Variants in TBC1D5 observed in about 807,000 individuals in gnomAD.
The protein encoded by TBC1D5 is TBC1 domain family, member 5.
TBC1D5 carries 75 observed loss-of-function variants against 100.3 expected under a neutral mutation model. The observed-to-expected ratio is 0.75, with a 90% CI of 0.62 to 0.91. The LOEUF (loss-of-function observed/expected upper bound fraction) is 0.91. TBC1D5 is among the 40% of genes least tolerant of loss of function. TBC1D5 has a pLI of 0.00. For synonymous variants in TBC1D5, 323 were observed against 325.6 expected (o/e 0.99, Z 0.09); for missense variants, 910 against 942.4 (o/e 0.97, Z 0.45).
At chr3:17,261,588 C>A (rs1490527720) in intron 15 of TBC1D5, among the ~76,000 whole-genome samples, 1 of 152,082 alleles carries the variant, frequency 6.6e-6, no homozygotes, top group African/African-American at 2.4e-5. Flanking sequence ...ATCCTCCCAC[C>A]TCTGCCTCAT....
At chr3:17,247,327 A>G (rs1328424120) in intron 16 of TBC1D5, among the ~76,000 whole-genome samples, 3 of 152,246 alleles carry the variant, frequency 2.0e-5, no homozygotes, top group Non-Finnish European at 4.4e-5. Flanking sequence ...CAAGTATCAC[A>G]ATAGTGAATT....
intron 13 of TBC1D5, among the ~76,000 whole-genome samples, chr3:17,326,067 C>T (rs1215902050): frequency 6.6e-6 from 1 of 151,998 alleles, no homozygotes; most frequent in Non-Finnish European, 1.5e-5. Context: ...GCACTAAGAA[C>T]GTAGTATGTA....
chr3:17,251,050 T>G (rs1455393053), intron 16 of TBC1D5, among the ~76,000 whole-genome samples: 1 of 152,176 alleles, frequency 6.6e-6, no homozygotes, highest in African/African-American at 2.4e-5. Flanking sequence ...CAAGCACTGG[T>G]AAAAGTGCCT....
intron 8 of TBC1D5, among the ~76,000 whole-genome samples, chr3:17,386,230 T>C (rs2152272629): frequency 6.6e-6 from 1 of 152,200 alleles, no homozygotes; most frequent in East Asian, 1.9e-4. Context: ...CTGGATCACC[T>C]GACTTAATAA....
At chr3:17,216,282 G>A (rs915100477) in intron 17 of TBC1D5, among the ~76,000 whole-genome samples, 5 of 152,106 alleles carry the variant, frequency 3.3e-5, no homozygotes, top group African/African-American at 1.2e-4. Context: ...TTCCCAGCTC[G>A]TGATTGGGAA....
intron 1 of TBC1D5, among the ~76,000 whole-genome samples, chr3:17,694,481 A>G (rs1349058602): frequency 6.6e-6 from 1 of 152,222 alleles, no homozygotes; most frequent in African/African-American, 2.4e-5. Flanking sequence ...TTGATCAACT[A>G]GAAGAAAGGG....
intron 16 of TBC1D5, among the ~76,000 whole-genome samples, chr3:17,252,844 C>G (rs1376790596): frequency 6.6e-6 from 1 of 152,150 alleles, no homozygotes; most frequent in East Asian, 1.9e-4. Flanking sequence ...TCTCTCAATA[C>G]CTGGCACAGA....
intron 13 of TBC1D5, among the ~76,000 whole-genome samples, chr3:17,315,130 C>A (rs2084521777): frequency 6.6e-6 from 1 of 152,214 alleles, no homozygotes; most frequent in Non-Finnish European, 1.5e-5. Flanking sequence ...ATCTTCTCAG[C>A]CTACTCTTGA....
At chr3:17,457,660 A>T (rs981356901) in intron 3 of TBC1D5, among the ~76,000 whole-genome samples, 1 of 151,308 alleles carries the variant, frequency 6.6e-6, no homozygotes, top group Non-Finnish European at 1.5e-5. Context: ...TCATATCTGC[A>T]TTTGTGTTTT....
At chr3:17,200,739 T>C (rs777631804) in intron 18 of TBC1D5, among the ~76,000 whole-genome samples, 6 of 152,262 alleles carry the variant, frequency 3.9e-5, no homozygotes, top group Non-Finnish European at 8.8e-5. Context: ...TTAAATCCTT[T>C]GGCTACACTG....
chr3:17,530,783 AC>A (rs1349308931), intron 2 of TBC1D5, among the ~76,000 whole-genome samples: 6 of 152,142 alleles, frequency 3.9e-5, no homozygotes, highest in South Asian at 2.1e-4. Context: ...AAATTCAACA[AC>A]CCTTCATGCT....
intron 3 of TBC1D5, among the ~76,000 whole-genome samples, chr3:17,453,308 G>T (rs1251985777): frequency 1.3e-5 from 2 of 150,690 alleles, no homozygotes; most frequent in African/African-American, 4.9e-5. Context: ...AAGAAATAAT[G>T]AAGATCAGAT....
chr3:17,578,481 C>T (rs2096671582), intron 2 of TBC1D5, among the ~76,000 whole-genome samples: 1 of 152,032 alleles, frequency 6.6e-6, no homozygotes, highest in Non-Finnish European at 1.5e-5. Context: ...TTTTAGAACC[C>T]TACTGGTACA....
chr3:17,544,598 C>A (rs769893112), intron 2 of TBC1D5, among the ~76,000 whole-genome samples: 1 of 150,364 alleles, frequency 6.7e-6, no homozygotes, highest in Non-Finnish European at 1.5e-5. Flanking sequence ...TTGCAGTGAG[C>A]CGAGATCGCG....
At chr3:17,561,181 G>A (rs1368979267) in intron 2 of TBC1D5, among the ~76,000 whole-genome samples, 4 of 152,002 alleles carry the variant, frequency 2.6e-5, no homozygotes, top group Non-Finnish European at 4.4e-5. Context: ...AATAATTCAC[G>A]AAGACATATA....
At chr3:17,214,480 C>T (rs542213662) in intron 17 of TBC1D5, 110 bp from the exon 19 acceptor site, 1 of 1,096,808 alleles carries the variant, frequency 9.1e-7, no homozygotes, top group Non-Finnish European at 1.3e-6. Flanking sequence ...TAGGTTGATA[C>T]TATCAACATA....
Position 17,641,168 on chromosome 3 carries a change from G to A in TBC1D5, c.-100-17255C>T, listed in dbSNP as rs185034501. Among the ~76,000 whole-genome samples, 5 of 152,194 alleles carry A rather than the reference G, an allele frequency of 3.3e-5. No individual in the cohort carries two copies. The East Asian group carries it at 7.7e-4, about 23-fold the overall frequency. On this transcript the variant is annotated intron_variant, in intron 1 of 21. Transcript: ENST00000253692. The stretch of plus-strand genomic sequence containing the variant: ...GCTTACTGCTGAGGTATTCTTGAGT[G>A]GGTTTTGATTTATTAGGACACCAGG...
At chr3:17,168,054 A>G (rs1328840305) in intron 19 of TBC1D5, among the ~76,000 whole-genome samples, 1 of 152,128 alleles carries the variant, frequency 6.6e-6, no homozygotes, top group Non-Finnish European at 1.5e-5. Flanking sequence ...CCATGAATGT[A>G]CTCTCATCAT....
chr3:17,695,638 C>T (rs2071931342), intron 1 of TBC1D5, among the ~76,000 whole-genome samples: 1 of 152,132 alleles, frequency 6.6e-6, no homozygotes, highest in African/African-American at 2.4e-5. Context: ...GACTCCCACA[C>T]AATAATAATG....
Sources: allele counts gnomAD v4.1 joint callset (sites outside exome capture counted in the v4.1 genomes callset), GRCh38; gene constraint gnomAD v4.1.1; transcripts MANE v1.5; gene names NCBI Gene and HGNC (gene_info 2026-07-23, HGNC 2026-07-21).